The following MAP1A variants were observed in gnomAD, a reference collection of about 807,000 sequenced individuals.
MAP1A encodes microtubule associated protein 1A, also known as microtubule-associated protein 1A.
In MAP1A, 42 loss-of-function variants were observed where a neutral mutation model predicts 185.9. That is an observed-to-expected ratio of 0.23 (90% CI 0.18 to 0.29). The LOEUF (loss-of-function observed/expected upper bound fraction) is 0.29. Among genes scored for constraint, MAP1A ranks in the 10% least tolerant of loss-of-function variants. The probability of loss-of-function intolerance (pLI) is 1.00; values close to 1 mark genes in which losing one functional copy is unlikely to be tolerated. For synonymous variants in MAP1A, 1,229 were observed against 1,335.9 expected, an observed-to-expected ratio of 0.92 and a Z score of 1.74; for missense variants, 2,995 against 3,450.4, an observed-to-expected ratio of 0.87 and a Z score of 3.31.
At chr15:43,513,918 T>G (rs181993729), upstream of MAP1A, among the ~76,000 whole-genome samples, 1 of 152,364 alleles carries the variant, frequency 6.6e-6, no homozygotes, top group East Asian at 1.9e-4. Flanking sequence ...CTGATGTTAA[T>G]AATTCACACT....
At position 43,524,174 on chromosome 15, in the gene MAP1A, C is replaced by T; in HGVS notation, c.2701C>T (p.Leu901=). 1 of 1,614,182 alleles carries T rather than the reference C, an allele frequency of 6.2e-7. No homozygotes were observed. Among genetic ancestry groups the T allele is most frequent in the Non-Finnish European group, 8.5e-7 (1 of 1,180,030 alleles). ...SAGTISPTSS[L]EEDKGFKSPP... The stretch of plus-strand genomic sequence containing the variant: ...TGGTACCATCTCACCCACCTCCTCA[C>T]TGGAAGAAGACAAGGGCTTCAAATC... Residue 901 remains leucine (L), a synonymous_variant, in exon 4 of 6, where the codon CTG becomes TTG. Coordinates refer to ENST00000300231, the MANE Select transcript of MAP1A (RefSeq NM_002373.6).
At chr15:43,520,571 C>T (rs2079315222) in intron 1 of MAP1A, 70 bp from the exon 2 acceptor site, 3 of 1,023,712 alleles carry the variant, frequency 2.9e-6, no homozygotes, top group South Asian at 2.7e-5. Context: ...CCTGATAGCA[C>T]ATTCTTTCCT....
At chr15:43,518,957 A>T (rs935653789) in intron 1 of MAP1A, among the ~76,000 whole-genome samples, 2 of 152,186 alleles carry the variant, frequency 1.3e-5, no homozygotes, top group Non-Finnish European at 2.9e-5. Flanking sequence ...AACTGGGATC[A>T]TAGAAGTCTT....
chr15:43,525,608 G>T lies in MAP1A; in HGVS notation c.4135G>T (p.Val1379Leu). 6.3e-7 allele frequency: 1 copy of T among 1,593,540 alleles called. No homozygotes were observed. Among genetic ancestry groups the T allele is most frequent in the Non-Finnish European group, 8.5e-7 (1 of 1,172,306 alleles). The part of the protein sequence containing the change: ...QKDKTLEHKE[V>L]VEPKDTAIYQ... Reference sequence around the variant, plus strand: ...AGACAAAACTCTGGAGCACAAGGAGGTGGTAGAGCCGAAGGATACAGCCAT... The same window carrying T: ...AGACAAAACTCTGGAGCACAAGGAGTTGGTAGAGCCGAAGGATACAGCCAT... The change falls in exon 4 of 6, where the codon GTG becomes TTG. Residue 1379 changes from valine to leucine, a missense_variant. Val to Leu is a conservative substitution (Grantham distance 32). This residue lies in a region of MAP1A where 2,728 missense variants were observed against 2,986.0 expected (regional missense o/e 0.91). Coordinates refer to ENST00000300231, the MANE Select transcript of MAP1A (RefSeq NM_002373.6).
upstream of MAP1A, among the ~76,000 whole-genome samples, chr15:43,517,203 G>C (rs1021673693): frequency 2.6e-5 from 4 of 152,018 alleles, no homozygotes; most frequent in Non-Finnish European, 1.5e-5. Context: ...TTTGTCTCCT[G>C]CTCCTCCAGG....
chr15:43,521,819 G>A lies in MAP1A; in HGVS notation c.346G>A (p.Gly116Ser), dbSNP rs1311271834. 1 of 1,614,076 alleles carries A rather than the reference G, an allele frequency of 6.2e-7. No homozygotes were observed. The highest frequency in any genetic ancestry group is 2.2e-5 in the East Asian group (1 of 44,898). The change falls in exon 4 of 6, where the codon GGC becomes AGC. Residue 116 changes from glycine (G) to serine (S), a missense_variant. By Grantham distance (56) the Gly-to-Ser change is moderately conservative (BLOSUM62 0). This residue lies in a region of MAP1A where 264 missense variants were observed against 435.3 expected (regional missense o/e 0.61). Coordinates refer to ENST00000300231, the MANE Select transcript of MAP1A (RefSeq NM_002373.6). The surrounding 1 kb of genome is among the most constrained non-coding windows in gnomAD (Gnocchi z 4.6). ...VAELEEEQSQ[G>S]SSSYSDWVKN... ...AGAGCTAGAGGAGGAGCAGTCCCAG[G>A]GCTCTAGCAGTTACAGCGACTGGGT...
At position 43,526,779 on chromosome 15, in the gene MAP1A, T is replaced by G; in HGVS notation, c.5306T>G (p.Val1769Gly). 6.2e-7 allele frequency: 1 copy of G among 1,614,008 alleles called. No individual in the cohort carries two copies. Among genetic ancestry groups the G allele is most frequent in the Non-Finnish European group, 8.5e-7 (1 of 1,179,978 alleles). Reference sequence around the variant, plus strand: ...TCCTCACCACAGAAGGGGCTAGAGGTGGAGCGCTGGCTTGCTGAATCACCA... The same window carrying G: ...TCCTCACCACAGAAGGGGCTAGAGGGGGAGCGCTGGCTTGCTGAATCACCA... ...QESSPQKGLE[V>G]ERWLAESPVG... Residue 1769 changes from valine (V) to glycine (G), a missense_variant, in exon 4 of 6, where the codon GTG becomes GGG. Physicochemically the swap from Val to Gly is moderately radical, Grantham distance 109 (BLOSUM62 -3). Around this residue, in one of 3 missense-constraint regions of MAP1A, gnomAD observed 2,728 missense variants for 2,986.0 expected, o/e 0.91. Coordinates refer to ENST00000300231, the MANE Select transcript of MAP1A (RefSeq NM_002373.6). This position sits in a 1 kb window ranked among gnomAD's most constrained non-coding sequence, Gnocchi z 4.7.
At chr15:43,518,251 C>T (rs1236655402) in intron 1 of MAP1A, among the ~76,000 whole-genome samples, 1 of 152,076 alleles carries the variant, frequency 6.6e-6, no homozygotes, top group Admixed American at 6.5e-5. Flanking sequence ...ACAGACCAAC[C>T]GGTTTGCAGT....
At position 43,529,069 on chromosome 15, in the gene MAP1A, C is replaced by T. The variant is rs1311676566; in HGVS notation, c.7596C>T (p.Asp2532=). The T allele has an allele frequency of 6.2e-7, 1 of 1,613,926 alleles. No individual in the cohort carries two copies. The highest frequency in any genetic ancestry group is 1.1e-5 in the South Asian group (1 of 91,088). The change falls in exon 4 of 6, where the codon GAC becomes GAT. Residue 2532 remains aspartate (D), a synonymous_variant. Coordinates refer to ENST00000300231, the MANE Select transcript of MAP1A (RefSeq NM_002373.6). The surrounding 1 kb of genome is among the most constrained non-coding windows in gnomAD (Gnocchi z 4.3). The stretch of plus-strand genomic sequence containing the variant: ...CCATCACAGCTGAGGCAGCCCTCGA[C>T]TCAGATGAAGATGGAGACTTCCTAC... ...CPSITAEAAL[D]SDEDGDFLPV...
At position 43,529,332 on chromosome 15, in the gene MAP1A, G is replaced by A. The variant is rs779489817; in HGVS notation, c.7859G>A (p.Arg2620Gln). Residue 2620 changes from arginine (R) to glutamine (Q), a missense_variant, in exon 4 of 6, where the codon CGG (arginine) becomes CAG (glutamine). Physicochemically the swap from Arg to Gln is conservative, Grantham distance 43. Transcript: ENST00000300231. The surrounding 1 kb of genome is among the most constrained non-coding windows in gnomAD (Gnocchi z 4.3). ...PGKAKPASPA[R>Q]RLDLRGKRSP... ...AAGGCCAAGCCAGCGTCCCCTGCAC[G>A]GCGTCTGGATCTTCGGGGAAAACGC... 40 of 1,613,918 alleles carry A rather than the reference G, an allele frequency of 2.5e-5. No individual in the cohort carries two copies. The highest frequency in any genetic ancestry group is 1.8e-4 in the Admixed American group (11 of 60,002).
At position 43,521,935 on chromosome 15, in the gene MAP1A, T is replaced by A. The variant is rs770334258; in HGVS notation, c.462T>A (p.Arg154=). The A allele has an allele frequency of 6.2e-6, 10 of 1,614,032 alleles. No individual in the cohort carries two copies. Among genetic ancestry groups the A allele is most frequent in the Non-Finnish European group, 1.7e-6 (2 of 1,180,034 alleles). Residue 154 remains arginine, a synonymous_variant, in exon 4 of 6, where the codon CGT becomes CGA. Transcript: ENST00000300231. This position sits in a 1 kb window ranked among gnomAD's most constrained non-coding sequence, Gnocchi z 4.6. ...RLPDASRKAK[R]SIEEACLTLQ... is the part of the protein sequence containing the mutation. ...CTGATGCCTCCCGGAAAGCCAAGCG[T>A]AGCATTGAGGAGGCCTGCCTCACTC...
chr15:43,526,301 A>G lies in MAP1A; in HGVS notation c.4828A>G (p.Lys1610Glu). ...SPEKVKAMEE[K>E]LEALLEKTKA... ...AGAAAAGGTCAAGGCCATGGAAGAG[A>G]AGTTAGAAGCTCTTCTGGAGAAGAC... Residue 1610 changes from lysine to glutamate, a missense_variant, in exon 4 of 6, where the codon AAG becomes GAG. Physicochemically the swap from Lys to Glu is moderately conservative, Grantham distance 56. Coordinates refer to ENST00000300231, the MANE Select transcript of MAP1A (RefSeq NM_002373.6). The surrounding 1 kb of genome is among the most constrained non-coding windows in gnomAD (Gnocchi z 4.7). 1 of 1,614,048 alleles carries G rather than the reference A, an allele frequency of 6.2e-7. No individual in the cohort carries two copies. The highest frequency in any genetic ancestry group is 8.5e-7 in the Non-Finnish European group (1 of 1,180,024).
chr15:43,524,205 C>A lies in MAP1A; in HGVS notation c.2732C>A (p.Pro911His). ...GAAGACAAGGGCTTCAAATCACCACCCTGTGAGGACTTCTCTGTGACTGGG... is the reference window on the plus strand; with the variant it reads ...GAAGACAAGGGCTTCAAATCACCACACTGTGAGGACTTCTCTGTGACTGGG... ...LEEDKGFKSP[P>H]CEDFSVTGES... Residue 911 changes from proline to histidine, a missense_variant, in exon 4 of 6, where the codon CCC (proline) becomes CAC (histidine). Pro to His is a moderately conservative substitution (Grantham distance 77, BLOSUM62 -2). Coordinates refer to ENST00000300231, the MANE Select transcript of MAP1A (RefSeq NM_002373.6). 1 of 1,614,164 alleles carries A rather than the reference C, an allele frequency of 6.2e-7. No homozygotes were observed. Among genetic ancestry groups the A allele is most frequent in the Non-Finnish European group, 8.5e-7 (1 of 1,180,036 alleles).
chr15:43,528,307 C>G lies in MAP1A; in HGVS notation c.6834C>G (p.Ser2278Arg). ...ISSVAERFSP[S>R]LEAAEQESGE... ...GTGTGGCGGAGCGCTTCTCTCCAAG[C>G]CTTGAGGCTGCAGAACAGGAGTCTG... Residue 2278 changes from serine (S) to arginine (R), a missense_variant, in exon 4 of 6, where the codon AGC (serine) becomes AGG (arginine). Ser to Arg is a moderately radical substitution (Grantham distance 110, BLOSUM62 -1). Coordinates refer to ENST00000300231, the MANE Select transcript of MAP1A (RefSeq NM_002373.6). 1 of 1,614,136 alleles carries G rather than the reference C, an allele frequency of 6.2e-7. No homozygotes were observed. The highest frequency in any genetic ancestry group is 1.3e-5 in the African/African-American group (1 of 75,074).
chr15:43,526,513 T>G lies in MAP1A; in HGVS notation c.5040T>G (p.Asn1680Lys). Residue 1680 changes from asparagine (N) to lysine (K), a missense_variant, in exon 4 of 6, where the codon AAT becomes AAG. Asn to Lys is a moderately conservative substitution (Grantham distance 94). Around this residue, in one of 3 missense-constraint regions of MAP1A, gnomAD observed 2,728 missense variants for 2,986.0 expected, o/e 0.91. Transcript: ENST00000300231. This position sits in a 1 kb window ranked among gnomAD's most constrained non-coding sequence, Gnocchi z 4.7. ...AGGACACATCTCCTGAGCAGGACAA[T>G]AGGTATTGGAGGGGCAGAGAGGATG... ...AWEDTSPEQD[N>K]RYWRGREDVA... 6.2e-7 allele frequency: 1 copy of G among 1,613,816 alleles called. No homozygotes were observed. Among genetic ancestry groups the G allele is most frequent in the African/African-American group, 1.3e-5 (1 of 74,934 alleles).
In MAP1A at chr15:43,522,029, C is replaced by A; in HGVS notation, c.556C>A (p.Pro186Thr). 2 of 1,614,186 alleles carry A rather than the reference C, an allele frequency of 1.2e-6. No individual in the cohort carries two copies. The highest frequency in any genetic ancestry group is 4.5e-5 in the East Asian group (2 of 44,872). ...LYRVVSNTIE[P>T]LTLFHKMGVG... ...TCGTGTGGTCAGCAATACCATTGAG[C>A]CACTGACCCTCTTCCACAAAATGGG... The change falls in exon 4 of 6, where the codon CCA (proline) becomes ACA (threonine). Residue 186 changes from proline (P) to threonine (T), a missense_variant. Transcript: ENST00000300231. The surrounding 1 kb of genome is among the most constrained non-coding windows in gnomAD (Gnocchi z 5.9).
Position 43,527,943 on chromosome 15 carries a change from C to T in MAP1A, c.6470C>T (p.Ala2157Val). ...SPPLDSHLGPARPSLDFPASA... is the reference protein window; with the variant it reads ...SPPLDSHLGPVRPSLDFPASA... ...CCCTTGGACTCACACCTGGGGCCTG[C>T]CCGACCCAGTCTGGACTTCCCTGCT... Residue 2157 changes from alanine to valine, a missense_variant, in exon 4 of 6, where the codon GCC (alanine) becomes GTC (valine). Transcript: ENST00000300231. The T allele has an allele frequency of 6.2e-7, 1 of 1,614,114 alleles. No homozygotes were observed. Among genetic ancestry groups the T allele is most frequent in the South Asian group, 1.1e-5 (1 of 91,084 alleles).
chr15:43,527,744 C>T lies in MAP1A; in HGVS notation c.6271C>T (p.Pro2091Ser). 6.2e-7 allele frequency: 1 copy of T among 1,613,670 alleles called. No homozygotes were observed. The highest frequency in any genetic ancestry group is 8.5e-7 in the Non-Finnish European group (1 of 1,179,834). Residue 2091 changes from proline (P) to serine (S), a missense_variant, in exon 4 of 6, where the codon CCA (proline) becomes TCA (serine). Around this residue, in one of 3 missense-constraint regions of MAP1A, gnomAD observed 2,728 missense variants for 2,986.0 expected, o/e 0.91. Transcript: ENST00000300231. ...ILSCSPDRRS[P>S]SPKESGRSHW... ...GAGCTGCAGCCCAGATAGGAGGTCC[C>T]CATCCCCCAAGGAATCAGGCCGGAG...
chr15:43,511,124 G>T (rs1211161472), exon 1 of MAP1A: 3 of 1,550,314 alleles, frequency 1.9e-6, no homozygotes, highest in African/African-American at 2.7e-5. Context: ...AGCCGCGGTG[G>T]CGGCTGCACG....
Sources: allele counts gnomAD v4.1 joint callset (sites outside exome capture counted in the v4.1 genomes callset), GRCh38; gene constraint gnomAD v4.1.1; regional missense constraint gnomAD v4.1.1; non-coding constraint Gnocchi (gnomAD v3.1); transcripts MANE v1.5; gene names NCBI Gene and HGNC (gene_info 2026-07-23, HGNC 2026-07-21).